AOX1: variants seen among roughly 807,000 people sequenced by gnomAD.
The protein encoded by AOX1 is aldehyde oxidase 1.
AOX1 carries 153 observed loss-of-function variants against 169.5 expected under a neutral mutation model. The ratio of observed to expected loss-of-function variants is 0.90; its 90% CI spans 0.79 to 1.03. The LOEUF (loss-of-function observed/expected upper bound fraction) is 1.03. AOX1 is among the 50% of genes least tolerant of loss of function. AOX1 has a pLI of 0.00. For synonymous variants in AOX1, 562 were observed against 581.9 expected (o/e 0.97, Z 0.49); for missense variants, 1,656 against 1,663.9 (o/e 1.00, Z 0.08).
Position 200,603,958 on chromosome 2 carries a change from T to C in AOX1, c.589-59T>C, listed in dbSNP as rs564126941. The C allele has an allele frequency of 5.1e-6, 6 of 1,178,196 alleles. No homozygotes were observed. In the African/African-American group the frequency reaches 9.1e-5, roughly 18 times the overall value. 73.0% of individuals were successfully genotyped at this position (1,178,196 alleles called of 1,614,324 possible). On this transcript the variant is annotated intron_variant, in intron 7 of 34. Transcript: ENST00000374700. ...GTGTATCTATATCTTTTGACCTTAT[T>C]CCACAAAGGATTTTAAAGTTGCTCG...
chr2:200,619,113 G>A (rs1574927189), intron 16 of AOX1, among the ~76,000 whole-genome samples: 1 of 152,086 alleles, frequency 6.6e-6, no homozygotes, highest in African/African-American at 2.4e-5. Context: ...TTTTCTCCCC[G>A]CTCAGATGCC....
In AOX1 at chr2:200,666,727, T is replaced by A. The variant is rs1205289695; in HGVS notation, c.3584T>A (p.Ile1195Lys). 6.2e-7 allele frequency: 1 copy of A among 1,610,852 alleles called. No individual in the cohort carries two copies. Among genetic ancestry groups the A allele is most frequent in the African/African-American group, 1.3e-5 (1 of 74,762 alleles). ...ATTGTCATGGATGTTGGCTGCAGTA[T>A]AAATCCAGCCATTGACATAGGCCAG... is the stretch of plus-strand genomic sequence containing the variant. ...TDIVMDVGCS[I>K]NPAIDIGQIE... is the part of the protein sequence containing the mutation. The change falls in exon 32 of 35, where the codon ATA (isoleucine) becomes AAA (lysine). Residue 1195 changes from isoleucine (I) to lysine (K), a missense_variant. Transcript: ENST00000374700.
intron 16 of AOX1, among the ~76,000 whole-genome samples, chr2:200,616,294 G>A (rs1351629102): frequency 6.6e-6 from 1 of 152,236 alleles, no homozygotes; most frequent in African/African-American, 2.4e-5. Context: ...GGGTCTTAAA[G>A]GTTACGTGCT....
chr2:200,657,190 A>ATATATATATATATATATATTTT, intron 27 of AOX1, among the ~76,000 whole-genome samples: 19 of 62,868 alleles, frequency 3.0e-4, no homozygotes, highest in Non-Finnish European at 4.4e-4. Context: ...ATATATATAT[A>ATATATATATATATATATATTTT]TTTTTTTTTT....
intron 7 of AOX1, among the ~76,000 whole-genome samples, chr2:200,603,697 G>A (rs2034458584): frequency 6.6e-6 from 1 of 152,184 alleles, no homozygotes; most frequent in African/African-American, 2.4e-5. Context: ...GGTAGAACAA[G>A]TAGAGACAGG....
chr2:200,607,076 C>A (rs897241497), intron 10 of AOX1, among the ~76,000 whole-genome samples: 3 of 152,076 alleles, frequency 2.0e-5, no homozygotes, highest in African/African-American at 7.2e-5. Context: ...CAAAGGGAAT[C>A]CTTCCAGCTT....
intron 12 of AOX1, among the ~76,000 whole-genome samples, chr2:200,609,996 C>T (rs1001096213): frequency 5.3e-5 from 8 of 151,616 alleles, no homozygotes; most frequent in South Asian, 2.1e-4. Context: ...GGTTTTTTTT[C>T]GTTAAAAAAT....
chr2:200,612,520 T>C, intron 13 of AOX1, 89 bp from the exon 14 acceptor site: 2 of 1,316,848 alleles, frequency 1.5e-6, no homozygotes, highest in African/African-American at 2.9e-5. Context: ...GACTGCCCGG[T>C]GTGTAGGTGA....
chr2:200,646,681 T>C (rs1054849750), intron 25 of AOX1, among the ~76,000 whole-genome samples: 1 of 152,156 alleles, frequency 6.6e-6, no homozygotes, highest in Non-Finnish European at 1.5e-5. Context: ...ACTATTGTGT[T>C]GCTGTCTATC....
chr2:200,654,185 G>T lies in AOX1; in HGVS notation c.3076-2657G>T, dbSNP rs184742421. ...AGGAAGGCACTGCACTCCAGCCTGG[G>T]TGACAGAAGAGACCCTGTCTCAAAA... On this transcript the variant is annotated intron_variant, in intron 26 of 34. Coordinates refer to ENST00000374700, the MANE Select transcript of AOX1 (RefSeq NM_001159.4). 8.5e-5 allele frequency among the ~76,000 whole-genome samples: 12 copies of T among 141,142 alleles called. No homozygotes were observed. In the East Asian group the frequency reaches 2.5e-3, roughly 29 times the overall value. 92.6% of individuals were successfully genotyped at this position (141,142 alleles called of 152,430 possible). A position where few individuals can be genotyped will look rare whatever the true frequency, so the allele number is the denominator to read the frequency against.
chr2:200,638,739 G>C (rs1574943434), intron 23 of AOX1, among the ~76,000 whole-genome samples: 1 of 152,214 alleles, frequency 6.6e-6, no homozygotes, highest in East Asian at 1.9e-4. Flanking sequence ...TGTAAAATGA[G>C]GTTCCAGAAA....
At chr2:200,621,001 C>T in intron 17 of AOX1, 119 bp from the exon 18 acceptor site, 1 of 1,382,886 alleles carries the variant, frequency 7.2e-7, no homozygotes, top group Non-Finnish European at 9.8e-7. Flanking sequence ...GAATTTTTTC[C>T]CAATTGTCTG....
chr2:200,670,988 C>A lies in AOX1; in HGVS notation c.*309C>A. ...AATAGGTGATGACTTGCATGTGACT[C>A]CTACTTGGCTTCTATCCACCAACAG... On this transcript the variant is annotated 3_prime_UTR_variant, in exon 35 of 35. Coordinates refer to ENST00000374700, the MANE Select transcript of AOX1 (RefSeq NM_001159.4). 3.3e-6 allele frequency: 1 copy of A among 300,122 alleles called. No individual in the cohort carries two copies. The highest frequency in any genetic ancestry group is 6.1e-6 in the Non-Finnish European group (1 of 163,214). 18.6% of individuals were successfully genotyped at this position (300,122 alleles called of 1,614,324 possible). A position where few individuals can be genotyped will look rare whatever the true frequency, so the allele number is the denominator to read the frequency against.
chr2:200,593,944 A>T (rs1258242858), intron 2 of AOX1, among the ~76,000 whole-genome samples: 2 of 152,252 alleles, frequency 1.3e-5, no homozygotes, highest in Non-Finnish European at 2.9e-5. Flanking sequence ...AGTTTGGTTC[A>T]CTATGAGTGA....
chr2:200,638,849 A>C (rs147623983), intron 23 of AOX1, among the ~76,000 whole-genome samples: 1 of 152,184 alleles, frequency 6.6e-6, no homozygotes, highest in Non-Finnish European at 1.5e-5. Flanking sequence ...AAACAACTTA[A>C]AAGCTCTTAA....
intron 10 of AOX1, among the ~76,000 whole-genome samples, chr2:200,607,959 G>A (rs1219832441): frequency 1.3e-5 from 2 of 152,160 alleles, no homozygotes; most frequent in Admixed American, 1.3e-4. Context: ...ACATACCGGG[G>A]CCTGTTGGCG....
chr2:200,603,395 A>G, intron 7 of AOX1, 39 bp downstream of exon 7: 2 of 1,524,170 alleles, frequency 1.3e-6, no homozygotes, highest in Non-Finnish European at 1.8e-6. Flanking sequence ...CTTTCTCAGG[A>G]CATGAACAGG....
intron 25 of AOX1, among the ~76,000 whole-genome samples, chr2:200,648,102 T>G (rs1262569578): frequency 6.6e-6 from 1 of 152,208 alleles, no homozygotes; most frequent in African/African-American, 2.4e-5. Context: ...ATCAGAGATT[T>G]CTTCTTGGTT....
chr2:200,667,432 C>A (rs1355139659), intron 32 of AOX1, among the ~76,000 whole-genome samples: 2 of 151,768 alleles, frequency 1.3e-5, no homozygotes, highest in East Asian at 1.9e-4. Flanking sequence ...AGGGCACCAT[C>A]TTGTGTCCCC....
Sources: allele counts gnomAD v4.1 joint callset (sites outside exome capture counted in the v4.1 genomes callset), GRCh38; gene constraint gnomAD v4.1.1; transcripts MANE v1.5; gene names NCBI Gene and HGNC (gene_info 2026-07-23, HGNC 2026-07-21).